Variants in SOX5 observed in about 807,000 individuals in gnomAD.
SOX5 encodes SRY-box transcription factor 5.
SOX5 carries 9 observed loss-of-function variants against 92.0 expected under a neutral mutation model. The observed-to-expected ratio is 0.10, with a 90% CI of 0.06 to 0.17. The LOEUF (loss-of-function observed/expected upper bound fraction) is 0.17, where lower values mean the gene tolerates loss of function less well. Ranked by LOEUF, SOX5 falls within the 10% of genes least tolerant of loss-of-function variation. The pLI, the probability that SOX5 is intolerant of heterozygous loss-of-function variation, is 1.00. For synonymous variants in SOX5, 344 were observed against 336.3 expected (o/e 1.02, Z -0.25); for missense variants, 642 against 944.5 (o/e 0.68, Z 4.20).
intron 4 of SOX5, among the ~76,000 whole-genome samples, chr12:24,115,972 A>G (rs1456703201): frequency 6.6e-6 from 1 of 152,170 alleles, no homozygotes; most frequent in African/African-American, 2.4e-5. Flanking sequence ...CCTGTAGGAG[A>G]ATAGAACATG....
intron 4 of SOX5, among the ~76,000 whole-genome samples, chr12:24,159,699 G>A (rs74068412): frequency 0.02 from 3,049 of 151,954 alleles, 102 homozygotes; most frequent in African/African-American, 0.069. Flanking sequence ...TAAGGAACAC[G>A]TTCCAGATAA....
At chr12:24,469,790 C>G (rs1944607727) in intron 1 of SOX5, among the ~76,000 whole-genome samples, 1 of 152,004 alleles carries the variant, frequency 6.6e-6, no homozygotes, top group African/African-American at 2.4e-5. Context: ...TGCTGCATAC[C>G]AAAAACCCTT....
Position 24,164,020 on chromosome 12 carries a change from C to T in SOX5, c.-2+49323G>A, listed in dbSNP as rs975247565. ...GTATAGTATATGATACAGGATACTTCAGTACTTTATTACAAAAATAATCAT... is the reference window on the plus strand; with the variant it reads ...GTATAGTATATGATACAGGATACTTTAGTACTTTATTACAAAAATAATCAT... On this transcript the variant is annotated intron_variant, in intron 4 of 4. Coordinates refer to the SOX5 transcript ENST00000446891. Among the ~76,000 whole-genome samples, 3 of 152,060 alleles carry T rather than the reference C, an allele frequency of 2.0e-5. No homozygotes were observed. In the East Asian group the frequency reaches 5.8e-4, roughly 29 times the overall value.
chr12:23,801,462 C>A (rs1160961599), intron 3 of SOX5, among the ~76,000 whole-genome samples: 2 of 152,138 alleles, frequency 1.3e-5, no homozygotes, highest in Non-Finnish European at 2.9e-5. Flanking sequence ...AGTAGATTAT[C>A]TATCATGCTA....
intron 2 of SOX5, among the ~76,000 whole-genome samples, chr12:24,319,999 T>G (rs1950059003): frequency 6.6e-6 from 1 of 152,216 alleles, no homozygotes; most frequent in Non-Finnish European, 1.5e-5. Context: ...TGGTTGACTG[T>G]GGATGTTTGT....
chr12:24,257,080 C>G (rs1405946004), intron 3 of SOX5, among the ~76,000 whole-genome samples: 2 of 152,150 alleles, frequency 1.3e-5, no homozygotes, highest in Non-Finnish European at 2.9e-5. Flanking sequence ...GTTTGGGTGG[C>G]CTGCTTTGGT....
chr12:23,801,686 CTATT>C (rs2095661849), intron 3 of SOX5, among the ~76,000 whole-genome samples: 1 of 152,100 alleles, frequency 6.6e-6, no homozygotes, highest in South Asian at 2.1e-4. Context: ...ATACTAAAAT[CTATT>C]TAATTTTTCA....
At chr12:23,601,030 T>G (rs1323565888) in intron 9 of SOX5, among the ~76,000 whole-genome samples, 12 of 152,110 alleles carry the variant, frequency 7.9e-5, no homozygotes. Flanking sequence ...TCAGCAGGAA[T>G]GCTAAGTGAA....
At chr12:24,255,629 T>G (rs2140199517) in intron 3 of SOX5, among the ~76,000 whole-genome samples, 1 of 152,286 alleles carries the variant, frequency 6.6e-6, no homozygotes, top group South Asian at 2.1e-4. Context: ...AGGTGGAATG[T>G]AATTATCTAC....
At chr12:23,959,409 C>T (rs1359497198) in intron 4 of SOX5, among the ~76,000 whole-genome samples, 1 of 151,812 alleles carries the variant, frequency 6.6e-6, no homozygotes, top group Non-Finnish European at 1.5e-5. Context: ...CAACAAAATG[C>T]CCTATATGCT....
intron 5 of SOX5, among the ~76,000 whole-genome samples, chr12:23,740,390 T>C (rs372768214): frequency 1.3e-3 from 201 of 152,316 alleles, no homozygotes; most frequent in African/African-American, 4.6e-3. Context: ...CCACGGTCAT[T>C]ACCCTGACTA....
chr12:23,872,254 C>T (rs1046393282), intron 2 of SOX5, among the ~76,000 whole-genome samples: 7 of 149,080 alleles, frequency 4.7e-5, no homozygotes, highest in East Asian at 4.0e-4. Flanking sequence ...CCTCGTGATC[C>T]GCCCGCCTCG....
intron 7 of SOX5, among the ~76,000 whole-genome samples, chr12:23,659,667 C>A (rs967756611): frequency 2.4e-4 from 37 of 152,104 alleles, no homozygotes; most frequent in African/African-American, 8.2e-4. Flanking sequence ...AAGTAAAAAA[C>A]AACAACAGAA....
At chr12:23,773,654 G>A (rs1009676054) in intron 3 of SOX5, among the ~76,000 whole-genome samples, 1 of 152,084 alleles carries the variant, frequency 6.6e-6, no homozygotes, top group Non-Finnish European at 1.5e-5. Context: ...TTACAGGCGT[G>A]AGCCACTGTG....
At chr12:24,545,523 A>G (rs1457048041) in intron 1 of SOX5, among the ~76,000 whole-genome samples, 1 of 152,236 alleles carries the variant, frequency 6.6e-6, no homozygotes, top group Non-Finnish European at 1.5e-5. Context: ...AAAAATCGAC[A>G]GATTTTCAAG....
chr12:24,194,170 T>G (rs529349101), intron 4 of SOX5, among the ~76,000 whole-genome samples: 1 of 152,282 alleles, frequency 6.6e-6, no homozygotes, highest in East Asian at 1.9e-4. Context: ...AATGGTAGAT[T>G]TTTCTCTGAT....
chr12:24,112,949 C>A (rs968037561), intron 4 of SOX5, among the ~76,000 whole-genome samples: 1 of 151,534 alleles, frequency 6.6e-6, no homozygotes, highest in African/African-American at 2.4e-5. Flanking sequence ...TTTTCCTTAT[C>A]AAGACTGAAA....
chr12:23,570,903 T>A (rs1291690727), intron 10 of SOX5, among the ~76,000 whole-genome samples: 1 of 67,710 alleles, frequency 1.5e-5, no homozygotes, highest in African/African-American at 6.1e-5. Flanking sequence ...AGAGCAAGAC[T>A]CCAACTCAAA....
intron 2 of SOX5, among the ~76,000 whole-genome samples, chr12:24,318,773 G>C (rs1268878993): frequency 4.6e-5 from 7 of 152,160 alleles, no homozygotes; most frequent in Non-Finnish European, 2.9e-5. Context: ...GCATTACCCA[G>C]ATACAACCCA....
Sources: allele counts gnomAD v4.1 joint callset (sites outside exome capture counted in the v4.1 genomes callset), GRCh38; gene constraint gnomAD v4.1.1; transcripts MANE v1.5; gene names NCBI Gene and HGNC (gene_info 2026-07-23, HGNC 2026-07-21).